Variants in GRID2 observed in about 807,000 individuals in gnomAD.
GRID2 encodes glutamate ionotropic receptor delta type subunit 2, also known as glutamate receptor ionotropic, delta-2.
Under a neutral mutation model 114.8 loss-of-function variants are expected in GRID2, and 33 were observed. That is an observed-to-expected ratio of 0.29 (90% CI 0.22 to 0.38). GRID2 has a LOEUF of 0.38. Ranked by LOEUF, GRID2 falls within the 10% of genes least tolerant of loss-of-function variation. The probability of loss-of-function intolerance (pLI) is 1.00; values close to 1 mark genes in which losing one functional copy is unlikely to be tolerated. For missense variants in GRID2, 1,184 were observed against 1,257.7 expected, an observed-to-expected ratio of 0.94 and a Z score of 0.89; for synonymous variants, 505 against 449.9, an observed-to-expected ratio of 1.12 and a Z score of -1.55.
At chr4:92,707,436 A>G (rs1172202956) in intron 2 of GRID2, among the ~76,000 whole-genome samples, 1 of 152,224 alleles carries the variant, frequency 6.6e-6, no homozygotes, top group African/African-American at 2.4e-5. Context: ...AAATACAAAT[A>G]TATTAAATGC....
At chr4:93,000,749 C>A (rs1720883153) in intron 2 of GRID2, among the ~76,000 whole-genome samples, 1 of 130,406 alleles carries the variant, frequency 7.7e-6, no homozygotes, top group Non-Finnish European at 1.6e-5. Flanking sequence ...ATTAAATATT[C>A]CATTAAGGGT....
chr4:93,628,279 G>A (rs921935561), intron 14 of GRID2, among the ~76,000 whole-genome samples: 10 of 152,030 alleles, frequency 6.6e-5, no homozygotes, highest in Admixed American at 6.6e-4. Context: ...TCTAGTTGGA[G>A]ATATAAGACC....
chr4:92,321,667 C>T (rs909480537), intron 1 of GRID2, among the ~76,000 whole-genome samples: 1 of 152,094 alleles, frequency 6.6e-6, no homozygotes, highest in Non-Finnish European at 1.5e-5. Flanking sequence ...TTCTTGCTCC[C>T]AGGCAGTCTA....
chr4:93,352,040 G>T (rs899376402), intron 8 of GRID2, among the ~76,000 whole-genome samples: 2 of 151,918 alleles, frequency 1.3e-5, no homozygotes, highest in Non-Finnish European at 2.9e-5. Context: ...TCATTTTACA[G>T]AAAATAAGAC....
chr4:92,360,467 T>C (rs1728560664), intron 1 of GRID2, among the ~76,000 whole-genome samples: 1 of 151,942 alleles, frequency 6.6e-6, no homozygotes, highest in Non-Finnish European at 1.5e-5. Context: ...GAGTGCCATA[T>C]GCCAGATTCT....
intron 13 of GRID2, among the ~76,000 whole-genome samples, chr4:93,539,131 G>T (rs1732401003): frequency 6.6e-6 from 1 of 151,696 alleles, no homozygotes; most frequent in Admixed American, 6.6e-5. Context: ...TTCTATTTTA[G>T]GCATGAACTG....
chr4:93,555,426 A>G (rs13130584), intron 13 of GRID2, among the ~76,000 whole-genome samples: 47,956 of 151,764 alleles, frequency 0.32, 8,326 homozygotes, highest in African/African-American at 0.45. Context: ...GGTGCGGGGA[A>G]GGGAGTCTGC....
intron 2 of GRID2, among the ~76,000 whole-genome samples, chr4:92,673,097 A>G (rs897966904): frequency 1.3e-5 from 2 of 152,176 alleles, no homozygotes; most frequent in African/African-American, 2.4e-5. Flanking sequence ...GCTTATTTAA[A>G]TTAATCAAGT....
At chr4:92,989,300 A>AT (rs746860071) in intron 2 of GRID2, among the ~76,000 whole-genome samples, 9,429 of 87,930 alleles carry the variant, frequency 0.11, 351 homozygotes, top group Middle Eastern at 0.15. Context: ...AAAAAAAAAA[A>AT]AATAATAATA....
chr4:93,464,507 G>A (rs1724081572), intron 11 of GRID2, among the ~76,000 whole-genome samples: 1 of 151,990 alleles, frequency 6.6e-6, no homozygotes, highest in South Asian at 2.1e-4. Context: ...AAAATTGTTG[G>A]TCATAAAGTC....
intron 1 of GRID2, among the ~76,000 whole-genome samples, chr4:92,575,756 C>T (rs1425983306): frequency 6.6e-6 from 1 of 152,142 alleles, no homozygotes; most frequent in Non-Finnish European, 1.5e-5. Context: ...GCTCCCAATC[C>T]TTTAGGGCTC....
At chr4:93,067,920 TA>T (rs1445953743) in intron 2 of GRID2, among the ~76,000 whole-genome samples, 1 of 152,044 alleles carries the variant, frequency 6.6e-6, no homozygotes, top group Non-Finnish European at 1.5e-5. Flanking sequence ...CATATTTAAT[TA>T]TATGCCTTTT....
chr4:93,743,418 A>T (rs1379687336), intron 14 of GRID2, among the ~76,000 whole-genome samples: 3 of 152,240 alleles, frequency 2.0e-5, no homozygotes, highest in Non-Finnish European at 4.4e-5. Flanking sequence ...AATGTAGACG[A>T]AACAGCTGTC....
At chr4:93,032,799 AG>A (rs1399830034) in intron 2 of GRID2, among the ~76,000 whole-genome samples, 1 of 152,224 alleles carries the variant, frequency 6.6e-6, no homozygotes, top group Non-Finnish European at 1.5e-5. Context: ...CACATTTCCC[AG>A]AAATGACCCC....
intron 4 of GRID2, among the ~76,000 whole-genome samples, chr4:93,156,008 C>T (rs1737150711): frequency 6.6e-6 from 1 of 150,962 alleles, no homozygotes; most frequent in South Asian, 2.1e-4. Flanking sequence ...GATAAATGCT[C>T]GAGGTGATGG....
chr4:92,681,649 C>A (rs1055726850), intron 2 of GRID2, among the ~76,000 whole-genome samples: 6 of 151,884 alleles, frequency 4.0e-5, no homozygotes, highest in Admixed American at 6.6e-5. Flanking sequence ...ATGTAACAAA[C>A]CTGCACATTG....
intron 2 of GRID2, among the ~76,000 whole-genome samples, chr4:92,791,355 T>G (rs187579140): frequency 1.2e-3 from 176 of 151,818 alleles, no homozygotes; most frequent in Admixed American, 0.011. Flanking sequence ...AGGAATACCT[T>G]CCTCTTAGGG....
intron 6 of GRID2, among the ~76,000 whole-genome samples, chr4:93,217,858 T>G (rs974095315): frequency 6.6e-6 from 1 of 152,068 alleles, no homozygotes; most frequent in Admixed American, 6.6e-5. Flanking sequence ...ATGGCCAATC[T>G]TAGAAGTAAG....
intron 1 of GRID2, among the ~76,000 whole-genome samples, chr4:92,576,661 G>A (rs1008750326): frequency 5.3e-5 from 8 of 152,310 alleles, no homozygotes; most frequent in Non-Finnish European, 1.2e-4. Flanking sequence ...CCAGCTTAGT[G>A]TGTCAGACAC....
Sources: gnomAD v4.1 joint callset for allele counts (sites outside exome capture counted in the v4.1 genomes callset) on GRCh38, gnomAD v4.1.1 for gene constraint, MANE v1.5 for transcripts, NCBI Gene and HGNC (gene_info 2026-07-23, HGNC 2026-07-21) for gene names.